Variants in RP1 observed in about 807,000 individuals in gnomAD.
RP1 encodes the protein oxygen-regulated protein 1.
RP1 carries 16 observed loss-of-function variants against 14.8 expected under a neutral mutation model. The ratio of observed to expected loss-of-function variants is 1.08; its 90% CI spans 0.73 to 1.65. RP1 has a LOEUF of 1.65. Among genes scored for constraint, RP1 ranks in the 40% most tolerant of loss-of-function variants. The probability of loss-of-function intolerance (pLI) is 0.00; values close to 1 mark genes in which losing one functional copy is unlikely to be tolerated. For synonymous variants in RP1, 876 were observed against 883.6 expected (o/e 0.99, Z 0.15); for missense variants, 2,631 against 2,535.0 (o/e 1.04, Z -0.81).
At chr8:54,749,217 G>A (rs371622996) in intron 19 of RP1, among the ~76,000 whole-genome samples, 13 of 152,012 alleles carry the variant, frequency 8.6e-5, no homozygotes, top group East Asian at 7.7e-4. Context: ...TGTAGTCCCA[G>A]CTACTTGGGA....
intron 24 of RP1, among the ~76,000 whole-genome samples, chr8:54,795,437 GA>G (rs1048213492): frequency 4.6e-5 from 7 of 152,096 alleles, no homozygotes; most frequent in Non-Finnish European, 1.0e-4. Flanking sequence ...TTGATTTTCA[GA>G]AGGGTTAAAT....
chr8:54,607,895 G>T (rs547519388), intron 1 of RP1, among the ~76,000 whole-genome samples: 2 of 152,144 alleles, frequency 1.3e-5, no homozygotes, highest in African/African-American at 4.8e-5. Context: ...CATTGGAAAA[G>T]TGCAGTATTA....
At chr8:54,808,604 G>A (rs1227639196) in intron 24 of RP1, among the ~76,000 whole-genome samples, 2 of 152,228 alleles carry the variant, frequency 1.3e-5, no homozygotes, top group African/African-American at 4.8e-5. Flanking sequence ...GAAGATGTGA[G>A]CAAAGCTCCC....
At position 54,622,107 on chromosome 8, in the gene RP1, T is replaced by C; in HGVS notation, c.616-10T>C. ...GCTCATCTCAGGATAATGACTCTGG[T>C]CTCTTTTAGGTTCCCAGCCTCCAGG... On this transcript the variant is annotated splice_polypyrimidine_tract_variant and intron_variant, in intron 2 of 3. Coordinates refer to ENST00000220676, the MANE Select transcript of RP1 (RefSeq NM_006269.2). 1 of 1,614,080 alleles carries C rather than the reference T, an allele frequency of 6.2e-7. No homozygotes were observed. The highest frequency in any genetic ancestry group is 8.5e-7 in the Non-Finnish European group (1 of 1,179,966).
upstream of RP1, among the ~76,000 whole-genome samples, chr8:54,614,696 G>A (rs572739250): frequency 6.6e-6 from 1 of 152,164 alleles, no homozygotes; most frequent in Non-Finnish European, 1.5e-5. Context: ...AGCCCATTTT[G>A]TGCTGTCTTA....
Position 54,737,224 on chromosome 8 carries a change from C to G in RP1, c.2722-1719C>G, listed in dbSNP as rs79462308. Among the ~76,000 whole-genome samples, 909 of 152,268 alleles carry G rather than the reference C, an allele frequency of 6.0e-3. 6 individuals are homozygous for G. Among genetic ancestry groups the G allele is most frequent in the African/African-American group, 0.019 (775 of 41,554 alleles). On this transcript the variant is annotated intron_variant, in intron 18 of 22. Transcript: ENST00000636932. ...CTTTTAAAGTAGACACTTAAAAGAG[C>G]CTTACCCTTCACAGGGTGACTGTGT... is the stretch of plus-strand genomic sequence containing the variant.
chr8:54,622,471 T>C (rs1805907188), intron 3 of RP1, among the ~76,000 whole-genome samples, 183 bp downstream of exon 3: 1 of 152,220 alleles, frequency 6.6e-6, no homozygotes, highest in Non-Finnish European at 1.5e-5. Flanking sequence ...ATAGATATTA[T>C]CTATTTTTTA....
rs764171118 is a variant in RP1 at position 54,755,033 on chromosome 8, C to T, written c.2941+98C>T. The stretch of plus-strand genomic sequence containing the variant: ...GCTATTTAGTTACAGAATATTTTTC[C>T]TGCTTCTAAGAGAGTTGTTTTACTC... On this transcript the variant is annotated intron_variant, in intron 20 of 22. Coordinates refer to the RP1 transcript ENST00000636932. 53 of 1,292,138 alleles carry T rather than the reference C, an allele frequency of 4.1e-5. No homozygotes were observed. The Middle Eastern group carries it at 1.8e-3, about 44-fold the overall frequency. 80.0% of individuals were successfully genotyped at this position (1,292,138 alleles called of 1,614,324 possible). A position where few individuals can be genotyped will look rare whatever the true frequency, so the allele number is the denominator to read the frequency against.
At chr8:54,786,429 T>G (rs1178741381) in intron 24 of RP1, among the ~76,000 whole-genome samples, 2 of 152,094 alleles carry the variant, frequency 1.3e-5, no homozygotes, top group African/African-American at 4.8e-5. Context: ...AATTTTACTG[T>G]GTTGTGTTTA....
chr8:54,633,737 C>CTCTCTCTCTATATA (rs1236298691), downstream of RP1, among the ~76,000 whole-genome samples: 17 of 118,800 alleles, frequency 1.4e-4, no homozygotes, highest in South Asian at 3.2e-4. Context: ...CTCTCTCTCT[C>CTCTCTCTCTATATA]TATATATATA....
chr8:54,717,935 A>G (rs1302374566), intron 15 of RP1, among the ~76,000 whole-genome samples: 1 of 152,196 alleles, frequency 6.6e-6, no homozygotes, highest in African/African-American at 2.4e-5. Context: ...TTGCATTCCT[A>G]TATACTAGCA....
intron 24 of RP1, among the ~76,000 whole-genome samples, chr8:54,833,067 A>T (rs191845586): frequency 1.3e-5 from 2 of 152,080 alleles, no homozygotes; most frequent in African/African-American, 4.8e-5. Flanking sequence ...CTGCATGTGA[A>T]TAGTGTAGTC....
intron 3 of RP1, among the ~76,000 whole-genome samples, chr8:54,638,267 G>A (rs1003546031): frequency 1.3e-5 from 2 of 151,968 alleles, no homozygotes; most frequent in African/African-American, 2.4e-5. Context: ...GTGAAACCCT[G>A]TCTCTACTAA....
At chr8:54,827,700 C>A (rs372995806) in intron 24 of RP1, among the ~76,000 whole-genome samples, 2 of 152,168 alleles carry the variant, frequency 1.3e-5, no homozygotes, top group African/African-American at 4.8e-5. Context: ...GAGTTCCAGA[C>A]CAGCCTGGCC....
In RP1 at chr8:54,852,526, G is replaced by A. The variant is rs2129408460; in HGVS notation, c.3836-48G>A. 5.1e-6 allele frequency: 6 copies of A among 1,169,230 alleles called. No homozygotes were observed. The South Asian group carries it at 2.6e-4, about 51-fold the overall frequency. 72.4% of individuals were successfully genotyped at this position (1,169,230 alleles called of 1,614,324 possible). On this transcript the variant is annotated intron_variant, in intron 25 of 28. Coordinates refer to the RP1 transcript ENST00000637698. ...TGCAGAATATCTAACTACATTCAAA[G>A]AGATAAATAAAAATGAGAAAGATAA... is the stretch of plus-strand genomic sequence containing the variant.
chr8:54,701,601 T>C (rs978653988), exon 14 of RP1: 2 of 1,535,740 alleles, frequency 1.3e-6, no homozygotes, highest in Non-Finnish European at 1.7e-6. Flanking sequence ...CATGGCAAAA[T>C]AGCTGATGCA....
chr8:54,562,997 G>C (rs755503509), intron 1 of RP1, among the ~76,000 whole-genome samples: 5 of 152,210 alleles, frequency 3.3e-5, no homozygotes, highest in Non-Finnish European at 7.3e-5. Context: ...CCCCTGGTAG[G>C]CCCAGTCCTA....
rs147994932 is a variant in RP1 at position 54,699,198 on chromosome 8, A to G, written c.1718-269A>G. Among the ~76,000 whole-genome samples the G allele has an allele frequency of 2.0e-4, 31 of 151,776 alleles. 2 individuals carry two copies. The East Asian group carries it at 5.8e-3, about 28-fold the overall frequency. ...ACGTACATACTCAAATACATACAACACACAGACTAGGAAATGAAATAGGTC... is the reference window on the plus strand; with the variant it reads ...ACGTACATACTCAAATACATACAACGCACAGACTAGGAAATGAAATAGGTC... On this transcript the variant is annotated intron_variant, in intron 12 of 22. Coordinates refer to the RP1 transcript ENST00000636932.
At chr8:54,863,965 G>T (rs758224564) in intron 27 of RP1, among the ~76,000 whole-genome samples, 15 of 152,072 alleles carry the variant, frequency 9.9e-5, no homozygotes, top group Non-Finnish European at 1.8e-4. Flanking sequence ...TTGCTTCCTT[G>T]TTTACCAATA....
Sources: allele counts gnomAD v4.1 joint callset (sites outside exome capture counted in the v4.1 genomes callset), GRCh38; gene constraint gnomAD v4.1.1; transcripts MANE v1.5; gene names NCBI Gene and HGNC (gene_info 2026-07-23, HGNC 2026-07-21).